Variants in CADM2 observed in about 807,000 individuals in gnomAD.
The protein encoded by CADM2 is immunoglobulin superfamily member 4D.
Under a neutral mutation model 49.8 loss-of-function variants are expected in CADM2, and 12 were observed. The observed-to-expected ratio is 0.24, with a 90% CI of 0.15 to 0.39. CADM2 has a LOEUF of 0.39. CADM2 is among the 10% of genes least tolerant of loss of function. The pLI is 1.00. For synonymous variants in CADM2, 214 were observed against 175.4 expected (o/e 1.22, Z -1.74); for missense variants, 378 against 492.3 (o/e 0.77, Z 2.20).
At chr3:85,407,831 A>C (rs970732802) in intron 1 of CADM2, among the ~76,000 whole-genome samples, 3 of 151,874 alleles carry the variant, frequency 2.0e-5, no homozygotes, top group Non-Finnish European at 4.4e-5. Context: ...AAAATGAAAA[A>C]CAAAACAAAG....
intron 1 of CADM2, among the ~76,000 whole-genome samples, chr3:85,321,848 T>C (rs1008158914): frequency 1.3e-5 from 2 of 152,196 alleles, no homozygotes; most frequent in Non-Finnish European, 2.9e-5. Flanking sequence ...ATAGTATGCA[T>C]TTTTGGATCA....
intron 1 of CADM2, among the ~76,000 whole-genome samples, chr3:85,644,433 A>G (rs2064825102): frequency 6.6e-6 from 1 of 152,148 alleles, no homozygotes; most frequent in African/African-American, 2.4e-5. Flanking sequence ...GTGGAGGAGC[A>G]CAATTCAGTC....
chr3:85,651,159 A>T (rs899113741), intron 1 of CADM2, among the ~76,000 whole-genome samples: 2 of 152,048 alleles, frequency 1.3e-5, no homozygotes, highest in African/African-American at 4.8e-5. Context: ...GTGTAGAATT[A>T]TTTAATTTAT....
intron 1 of CADM2, among the ~76,000 whole-genome samples, chr3:85,648,145 A>G (rs553904749): frequency 2.6e-5 from 4 of 151,936 alleles, no homozygotes; most frequent in Non-Finnish European, 4.4e-5. Flanking sequence ...AAGCCAGTTC[A>G]CAAAGTTAAT....
chr3:85,154,043 C>G (rs567871468), intron 1 of CADM2, among the ~76,000 whole-genome samples: 2 of 152,320 alleles, frequency 1.3e-5, no homozygotes, highest in South Asian at 4.1e-4. Context: ...TCTCCTCCTC[C>G]AAAGGAACAC....
At chr3:85,463,811 T>C (rs746677651) in intron 1 of CADM2, among the ~76,000 whole-genome samples, 1 of 152,178 alleles carries the variant, frequency 6.6e-6, no homozygotes, top group Non-Finnish European at 1.5e-5. Flanking sequence ...CAAGGCTCTA[T>C]GCTACTAGAC....
intron 2 of CADM2, among the ~76,000 whole-genome samples, chr3:85,739,855 C>T (rs2068304948): frequency 2.6e-5 from 4 of 152,086 alleles, no homozygotes; most frequent in Admixed American, 2.6e-4. Flanking sequence ...AAATGTGAAT[C>T]CTTATTATCA....
intron 1 of CADM2, among the ~76,000 whole-genome samples, chr3:85,217,489 A>G (rs932354553): frequency 9.9e-5 from 15 of 152,066 alleles, no homozygotes; most frequent in African/African-American, 3.6e-4. Flanking sequence ...TGTAATTTGT[A>G]ATTGAAAGCG....
At chr3:85,446,934 A>G (rs1440647144) in intron 1 of CADM2, among the ~76,000 whole-genome samples, 8 of 145,710 alleles carry the variant, frequency 5.5e-5, no homozygotes, top group Non-Finnish European at 1.2e-4. Context: ...TCAGTCATAT[A>G]TTTATACATC....
chr3:85,188,236 T>G (rs2041111159), intron 1 of CADM2, among the ~76,000 whole-genome samples: 1 of 152,116 alleles, frequency 6.6e-6, no homozygotes, highest in African/African-American at 2.4e-5. Flanking sequence ...TTTTGACAGC[T>G]TATGCATTCT....
intron 1 of CADM2, among the ~76,000 whole-genome samples, chr3:85,621,380 A>G (rs762649539): frequency 9.2e-5 from 14 of 152,200 alleles, no homozygotes; most frequent in Non-Finnish European, 2.1e-4. Context: ...TTAAGAAAAT[A>G]AAGAATAATT....
intron 1 of CADM2, among the ~76,000 whole-genome samples, chr3:85,611,938 C>T (rs2063692956): frequency 6.6e-6 from 1 of 151,486 alleles, no homozygotes; most frequent in South Asian, 2.1e-4. Context: ...AAGTTTGGGG[C>T]CAAAATTAAC....
intron 1 of CADM2, among the ~76,000 whole-genome samples, chr3:85,359,431 C>A (rs996449297): frequency 1.3e-5 from 2 of 151,092 alleles, no homozygotes; most frequent in African/African-American, 2.4e-5. Context: ...AAATTAAAAT[C>A]AACATCTGTT....
intron 1 of CADM2, among the ~76,000 whole-genome samples, chr3:85,398,308 C>T (rs2034901214): frequency 2.0e-5 from 3 of 147,040 alleles, no homozygotes; most frequent in East Asian, 2.1e-4. Flanking sequence ...TTTCCAGCTT[C>T]ATCCATGTCC....
At chr3:85,329,709 A>G (rs186825684) in intron 1 of CADM2, among the ~76,000 whole-genome samples, 43 of 152,304 alleles carry the variant, frequency 2.8e-4, no homozygotes, top group African/African-American at 9.9e-4. Flanking sequence ...GATATGCTGA[A>G]GTATAATTCG....
At chr3:85,175,757 T>C (rs900595990) in intron 1 of CADM2, among the ~76,000 whole-genome samples, 1 of 151,972 alleles carries the variant, frequency 6.6e-6, no homozygotes, top group African/African-American at 2.4e-5. Context: ...ATATTATATA[T>C]ATATTTTACC....
chr3:85,650,389 TATC>T (rs2065009473), intron 1 of CADM2, among the ~76,000 whole-genome samples: 1 of 152,084 alleles, frequency 6.6e-6, no homozygotes, highest in Non-Finnish European at 1.5e-5. Flanking sequence ...AGTTTCGTGA[TATC>T]ATATTAAATG....
At chr3:85,953,086 G>T (rs964258285) in intron 7 of CADM2, among the ~76,000 whole-genome samples, 4 of 150,244 alleles carry the variant, frequency 2.7e-5, no homozygotes, top group African/African-American at 9.7e-5. Flanking sequence ...TCCTGTTTAT[G>T]ACCAAAACTT....
At position 86,073,435 on chromosome 3, in the gene CADM2, A is replaced by T. The variant is rs912730839; in HGVS notation, c.*6652A>T. 2.6e-5 allele frequency: 4 copies of T among 152,034 alleles called. No homozygotes were observed. The highest frequency in any genetic ancestry group is 5.9e-5 in the Non-Finnish European group (4 of 67,916). The allele number at this position is 152,034 out of a possible 1,614,324, so 9.4% of individuals were successfully genotyped here. ...AACATTTTCAAAAAACAAAATGCATATTGTAATATTTGGTACATGACACTT... is the reference window on the plus strand; with the variant it reads ...AACATTTTCAAAAAACAAAATGCATTTTGTAATATTTGGTACATGACACTT... On this transcript the variant is annotated 3_prime_UTR_variant, in exon 10 of 10. Transcript: ENST00000383699.
Sources: allele counts gnomAD v4.1 joint callset (sites outside exome capture counted in the v4.1 genomes callset), GRCh38; gene constraint gnomAD v4.1.1; transcripts MANE v1.5; gene names NCBI Gene and HGNC (gene_info 2026-07-23, HGNC 2026-07-21).